CDC7: variants seen among roughly 807,000 people sequenced by gnomAD.
The protein encoded by CDC7 is cell division cycle 7, also known as cell division cycle 7-related protein kinase.
In CDC7, 34 loss-of-function variants were observed where a neutral mutation model predicts 53.5. That is an observed-to-expected ratio of 0.64 (90% CI 0.48 to 0.85). The LOEUF is 0.85. CDC7 is among the 40% of genes least tolerant of loss of function. The pLI, the probability that CDC7 is intolerant of heterozygous loss-of-function variation, is 0.00. For synonymous variants in CDC7, 211 were observed against 222.8 expected (o/e 0.95, Z 0.47); for missense variants, 594 against 679.7 (o/e 0.87, Z 1.40).
intron 10 of CDC7, among the ~76,000 whole-genome samples, chr1:91,516,936 G>A (rs958132005): frequency 3.9e-5 from 6 of 152,034 alleles, no homozygotes; most frequent in African/African-American, 9.7e-5. Flanking sequence ...GTGGTGGTGC[G>A]CACCTGTAAT....
At chr1:91,516,518 A>G (rs371750926) in intron 10 of CDC7, among the ~76,000 whole-genome samples, 11 of 152,314 alleles carry the variant, frequency 7.2e-5, no homozygotes, top group African/African-American at 2.2e-4. Flanking sequence ...CTTGCTAATG[A>G]TAACAAATAA....
At chr1:91,515,757 C>CT (rs1438617949) in intron 9 of CDC7, 37 bp from the exon 10 acceptor site, 1 of 1,608,720 alleles carries the variant, frequency 6.2e-7, no homozygotes, top group Non-Finnish European at 8.5e-7. Flanking sequence ...CATAGTTCAA[C>CT]TTTAACATAA....
rs754584875 is a variant in CDC7 at position 91,508,272 on chromosome 1, C to T, written c.210C>T (p.Ser70=). 4 of 1,596,462 alleles carry T rather than the reference C, an allele frequency of 2.5e-6. No individual in the cohort carries two copies. The highest frequency in any genetic ancestry group is 3.4e-6 in the Non-Finnish European group (4 of 1,174,116). ...TAAATTGTTTTACAGGCACTTTCAG[C>T]TCTGTTTATTTGGCCACAGCACAGT... ...IEDKIGEGTF[S]SVYLATAQLQ... Residue 70 remains serine, a synonymous_variant, in exon 4 of 12, where the codon AGC becomes AGT. Coordinates refer to ENST00000234626, the MANE Select transcript of CDC7 (RefSeq NM_003503.4).
chr1:91,520,388 A>G, intron 11 of CDC7, 109 bp downstream of exon 11: 2 of 904,336 alleles, frequency 2.2e-6, no homozygotes, highest in Middle Eastern at 3.6e-4. Context: ...TTCAGTCTTG[A>G]TAAAGTTCTC....
intron 11 of CDC7, among the ~76,000 whole-genome samples, chr1:91,521,094 C>CA (rs1667920140): frequency 6.6e-6 from 1 of 152,184 alleles, no homozygotes; most frequent in African/African-American, 2.4e-5. Context: ...CCTCAGGAGA[C>CA]AAAGTTTCAG....
chr1:91,513,194 C>A lies in CDC7; in HGVS notation c.709C>A (p.Pro237Thr). 1 of 1,613,782 alleles carries A rather than the reference C, an allele frequency of 6.2e-7. No individual in the cohort carries two copies. ...CCACATAATCACAGGAAACAAGATT[C>A]CACTGAGTGGCCCAGTACCTAAGGA... is the stretch of plus-strand genomic sequence containing the variant. ...KSHIITGNKI[P>T]LSGPVPKELD... Residue 237 changes from proline (P) to threonine (T), a missense_variant, in exon 7 of 12, where the codon CCA (proline) becomes ACA (threonine). By Grantham distance (38) the Pro-to-Thr change is conservative (BLOSUM62 -1). Transcript: ENST00000234626.
At chr1:91,521,266 C>G (rs1366627075) in intron 11 of CDC7, among the ~76,000 whole-genome samples, 2 of 152,202 alleles carry the variant, frequency 1.3e-5, no homozygotes, top group Non-Finnish European at 2.9e-5. Flanking sequence ...AAACAAGATA[C>G]TTAGGAAGGC....
At position 91,524,164 on chromosome 1, in the gene CDC7, A is replaced by G; in HGVS notation, c.1454A>G (p.His485Arg). 6.2e-7 allele frequency: 1 copy of G among 1,614,044 alleles called. No homozygotes were observed. Among genetic ancestry groups the G allele is most frequent in the Non-Finnish European group, 8.5e-7 (1 of 1,179,918 alleles). ...LTSDIQGHAS[H>R]QPAISEKTDH... Reference sequence around the variant, plus strand: ...AGTGATATACAAGGGCATGCTTCTCATCAACCAGCTATTTCAGAGAAGACT... The same window carrying G: ...AGTGATATACAAGGGCATGCTTCTCGTCAACCAGCTATTTCAGAGAAGACT... The change falls in exon 12 of 12, where the codon CAT (histidine) becomes CGT (arginine). Residue 485 changes from histidine to arginine, a missense_variant. By Grantham distance (29) the His-to-Arg change is conservative. Coordinates refer to ENST00000234626, the MANE Select transcript of CDC7 (RefSeq NM_003503.4).
At position 91,511,891 on chromosome 1, in the gene CDC7, C is replaced by T. The variant is rs756090077; in HGVS notation, c.540C>T (p.Pro180=). 1 of 1,588,024 alleles carries T rather than the reference C, an allele frequency of 6.3e-7. No homozygotes were observed. The highest frequency in any genetic ancestry group is 8.6e-7 in the Non-Finnish European group (1 of 1,160,934). Residue 180 remains proline, a synonymous_variant, in exon 6 of 12, where the codon CCC becomes CCT. Coordinates refer to ENST00000234626, the MANE Select transcript of CDC7 (RefSeq NM_003503.4). ...QFGIVHRDVK[P]SNFLYNRRLK... is the part of the protein sequence containing the mutation. ...GTATTGTTCACCGTGATGTTAAGCC[C>T]AGCAATTTTTTATATAATAGGCGCC... is the stretch of plus-strand genomic sequence containing the variant.
At position 91,524,620 on chromosome 1, in the gene CDC7, A is replaced by C. The variant is rs964883607; in HGVS notation, c.*185A>C. Reference sequence around the variant, plus strand: ...TAAAATGCCTGGGATAGTTCTTGGGACTAACAACATGATCTTCTTTGAGTT... The same window carrying C: ...TAAAATGCCTGGGATAGTTCTTGGGCCTAACAACATGATCTTCTTTGAGTT... On this transcript the variant is annotated 3_prime_UTR_variant, in exon 12 of 12. Coordinates refer to ENST00000234626, the MANE Select transcript of CDC7 (RefSeq NM_003503.4). The C allele has an allele frequency of 1.9e-6, 1 of 539,180 alleles. No homozygotes were observed. Among genetic ancestry groups the C allele is most frequent in the African/African-American group, 1.9e-5 (1 of 52,132 alleles). 33.4% of individuals were successfully genotyped at this position (539,180 alleles called of 1,614,324 possible).
chr1:91,509,645 T>C (rs1667173354), intron 4 of CDC7, among the ~76,000 whole-genome samples: 1 of 152,144 alleles, frequency 6.6e-6, no homozygotes, highest in Non-Finnish European at 1.5e-5. Flanking sequence ...AATTCTGTCT[T>C]TACACAGCAG....
chr1:91,514,792 T>C, intron 8 of CDC7, 27 bp from the exon 9 acceptor site: 1 of 1,521,506 alleles, frequency 6.6e-7, no homozygotes, highest in Non-Finnish European at 8.8e-7. Flanking sequence ...ATCATGAAAA[T>C]AGAAAAATGA....
intron 11 of CDC7, 147 bp downstream of exon 11, chr1:91,520,426 G>T (rs1667874394): frequency 5.0e-6 from 3 of 603,980 alleles, no homozygotes; most frequent in South Asian, 6.4e-5. Context: ...TTCTTCAGTT[G>T]CTTGAAAATA....
At chr1:91,507,960 C>CT in intron 3 of CDC7, 23 bp downstream of exon 3, 4 of 1,534,844 alleles carry the variant, frequency 2.6e-6, no homozygotes, top group Non-Finnish European at 3.5e-6. Flanking sequence ...TATGCTTTTA[C>CT]TATTTTTACG....
Position 91,513,097 on chromosome 1 carries a change from T to C in CDC7, c.612T>C (p.His204=). The C allele has an allele frequency of 1.2e-6, 2 of 1,613,586 alleles. No individual in the cohort carries two copies. The highest frequency in any genetic ancestry group is 3.3e-4 in the Middle Eastern group (2 of 6,062). The change falls in exon 7 of 12, where the codon CAT becomes CAC. Residue 204 remains histidine, a synonymous_variant. Transcript: ENST00000234626. ...ACTTTGGTTTGGCCCAAGGAACCCA[T>C]GATACGAAAATAGAGCTTCTTAAAT... The part of the protein sequence containing the change: ...LVDFGLAQGT[H]DTKIELLKFV...
At chr1:91,511,734 A>T (rs764839778) in intron 5 of CDC7, 44 bp downstream of exon 5, 1 of 1,591,332 alleles carries the variant, frequency 6.3e-7, no homozygotes. Flanking sequence ...TAAATATTTA[A>T]TTGCAAACAA....
chr1:91,514,949 C>T lies in CDC7; in HGVS notation c.1049C>T (p.Thr350Ile), dbSNP rs576769110. 1.9e-6 allele frequency: 3 copies of T among 1,613,856 alleles called. No individual in the cohort carries two copies. Among genetic ancestry groups the T allele is most frequent in the Middle Eastern group, 1.6e-4 (1 of 6,062 alleles). Residue 350 changes from threonine (T) to isoleucine (I), a missense_variant, in exon 9 of 12, where the codon ACC becomes ATC. Transcript: ENST00000234626. ...KTASSCPASL[T>I]CDCYATDKVC... is the part of the protein sequence containing the mutation. ...GCCAGTTCTTGCCCAGCTAGCCTGA[C>T]CTGTGACTGCTATGCAACAGATAAA...
intron 2 of CDC7, 147 bp downstream of exon 2, chr1:91,501,978 G>T: frequency 1.5e-6 from 1 of 653,434 alleles, no homozygotes; most frequent in South Asian, 2.0e-5. Context: ...AGCTTCGTAT[G>T]ATCTAAATGT....
Position 91,525,590 on chromosome 1 carries a change from A to T in CDC7, c.*1155A>T, listed in dbSNP as rs1022655655. On this transcript the variant is annotated 3_prime_UTR_variant, in exon 12 of 12. Transcript: ENST00000234626. ...TAGAATACAGAAATAGTTTAGGGAC[A>T]TGTATTCATTTTGTTATTTTGAGCA... 1 of 152,132 alleles carries T rather than the reference A, an allele frequency of 6.6e-6. No homozygotes were observed. Among genetic ancestry groups the T allele is most frequent in the Admixed American group, 6.5e-5 (1 of 15,278 alleles). 9.4% of individuals were successfully genotyped at this position (152,132 alleles called of 1,614,324 possible).
Sources: allele counts gnomAD v4.1 joint callset (sites outside exome capture counted in the v4.1 genomes callset), GRCh38; gene constraint gnomAD v4.1.1; transcripts MANE v1.5; gene names NCBI Gene and HGNC (gene_info 2026-07-23, HGNC 2026-07-21).